Variants in STXBP6 observed in about 807,000 individuals in gnomAD.
STXBP6 encodes the protein syntaxin-binding protein 6.
Under a neutral mutation model 26.9 loss-of-function variants are expected in STXBP6, and 21 were observed. The observed-to-expected ratio is 0.78, with a 90% CI of 0.55 to 1.12. The LOEUF (loss-of-function observed/expected upper bound fraction) is 1.12. Ranked by LOEUF, STXBP6 falls within the 50% of genes most tolerant of loss-of-function variation. The probability of loss-of-function intolerance (pLI) is 0.00; values close to 1 mark genes in which losing one functional copy is unlikely to be tolerated. For missense variants in STXBP6, 232 were observed against 257.9 expected (o/e 0.90, Z 0.69); for synonymous variants, 97 against 92.6 (o/e 1.05, Z -0.27).
intron 1 of STXBP6, among the ~76,000 whole-genome samples, chr14:25,010,088 A>G (rs938878852): frequency 6.6e-6 from 1 of 152,190 alleles, no homozygotes; most frequent in Non-Finnish European, 1.5e-5. Context: ...GGAATCACTG[A>G]TATGAGAGAT....
At chr14:24,873,275 T>C (rs1302953637) in intron 2 of STXBP6, among the ~76,000 whole-genome samples, 1 of 149,682 alleles carries the variant, frequency 6.7e-6, no homozygotes, top group African/African-American at 2.5e-5. Flanking sequence ...TTCTCAACGG[T>C]TTTCAGGTTA....
chr14:24,908,226 C>T (rs980502523), intron 2 of STXBP6, among the ~76,000 whole-genome samples: 6 of 152,088 alleles, frequency 3.9e-5, no homozygotes, highest in Admixed American at 3.3e-4. Flanking sequence ...TTTTCCTTAC[C>T]ATCTTACCCA....
intron 2 of STXBP6, among the ~76,000 whole-genome samples, chr14:24,885,638 T>C (rs1237740239): frequency 6.6e-6 from 1 of 152,246 alleles, no homozygotes; most frequent in Non-Finnish European, 1.5e-5. Flanking sequence ...AATCCACAGA[T>C]GAATGACATC....
At chr14:24,972,914 C>T (rs1341872160) in intron 2 of STXBP6, among the ~76,000 whole-genome samples, 6 of 152,052 alleles carry the variant, frequency 3.9e-5, no homozygotes, top group African/African-American at 1.4e-4. Context: ...CCCAGGAGTT[C>T]GAGACCAGCC....
chr14:24,976,852 C>CTTTTTTTTTTTTTTTTTTTTT lies in STXBP6; in HGVS notation c.-32-2023_-32-2003dup, dbSNP rs71121808. On this transcript the variant is annotated intron_variant, in intron 1 of 5. Transcript: ENST00000323944. ...CAAAGTCCTGAGCTGACTGGGCGCTCTTTTTTTTTTTTTTTTTTTTTTTTT... is the reference window on the plus strand; with the variant it reads ...CAAAGTCCTGAGCTGACTGGGCGCTCTTTTTTTTTTTTTTTTTTTTTTTTTTTTTTTTTTTTTTTTTTTTTT... Among the ~76,000 whole-genome samples the CTTTTTTTTTTTTTTTTTTTTT allele has an allele frequency of 3.1e-4, 14 of 45,276 alleles. 1 individual carries two copies. Among genetic ancestry groups the CTTTTTTTTTTTTTTTTTTTTT allele is most frequent in the African/African-American group, 1.2e-3 (11 of 8,900 alleles). The allele number at this position is 45,276 out of a possible 152,430, so 29.7% of individuals were successfully genotyped here.
At chr14:25,014,355 C>A (rs1033459191) in intron 1 of STXBP6, among the ~76,000 whole-genome samples, 1 of 152,102 alleles carries the variant, frequency 6.6e-6, no homozygotes, top group East Asian at 1.9e-4. Context: ...ATCAGCTGGG[C>A]TCAGGAGACT....
At chr14:25,021,702 C>G (rs1188230327) in intron 1 of STXBP6, among the ~76,000 whole-genome samples, 2 of 152,158 alleles carry the variant, frequency 1.3e-5, no homozygotes, top group Non-Finnish European at 2.9e-5. Context: ...GCCATGGCTC[C>G]CTTCTCCTTA....
At chr14:24,854,531 T>C (rs764172434) in intron 4 of STXBP6, among the ~76,000 whole-genome samples, 20 of 152,086 alleles carry the variant, frequency 1.3e-4, no homozygotes, top group Non-Finnish European at 2.6e-4. Context: ...ATAGCAGGAA[T>C]TGAAGATTAA....
intron 4 of STXBP6, among the ~76,000 whole-genome samples, chr14:24,841,951 A>G (rs1343923296): frequency 6.6e-6 from 1 of 152,138 alleles, no homozygotes; most frequent in Non-Finnish European, 1.5e-5. Context: ...TGGTGTGCAC[A>G]ATATTCTTCA....
intron 1 of STXBP6, among the ~76,000 whole-genome samples, chr14:25,029,436 G>A (rs559533453): frequency 1.3e-5 from 2 of 152,200 alleles, no homozygotes; most frequent in South Asian, 4.1e-4. Flanking sequence ...TTTAATTCAG[G>A]TATGTATTTT....
intron 2 of STXBP6, among the ~76,000 whole-genome samples, chr14:24,972,758 C>A (rs1171706258): frequency 6.6e-6 from 1 of 152,120 alleles, no homozygotes; most frequent in East Asian, 1.9e-4. Flanking sequence ...GTAATCCCAG[C>A]ACTTTTGGAG....
At chr14:24,892,383 C>T (rs1284061551) in intron 2 of STXBP6, among the ~76,000 whole-genome samples, 7 of 151,980 alleles carry the variant, frequency 4.6e-5, no homozygotes, top group Admixed American at 2.0e-4. Flanking sequence ...ATGTATCTAG[C>T]GAGCTATTCT....
chr14:24,999,575 T>C (rs1470997712), intron 1 of STXBP6, among the ~76,000 whole-genome samples: 1 of 152,094 alleles, frequency 6.6e-6, no homozygotes, highest in East Asian at 1.9e-4. Context: ...TTAGCAGATA[T>C]GAATACAATG....
rs1566441892 is a variant in STXBP6, at chr14:24,883,261, T to TC, written c.155-26105_155-26104insG. 7.3e-5 allele frequency among the ~76,000 whole-genome samples: 11 copies of TC among 151,666 alleles called. No individual in the cohort carries two copies. The South Asian group carries it at 8.3e-4, about 11-fold the overall frequency. ...AATACTGCTAAAAGCATGTTTTTTT[T>TC]TAAAAAATACACTCTTTATTTTAGA... is the stretch of plus-strand genomic sequence containing the variant. On this transcript the variant is annotated intron_variant, in intron 2 of 5. Coordinates refer to ENST00000323944, the MANE Select transcript of STXBP6 (RefSeq NM_001394410.1).
At chr14:24,825,759 T>C (rs1482634508) in intron 4 of STXBP6, among the ~76,000 whole-genome samples, 1 of 152,230 alleles carries the variant, frequency 6.6e-6, no homozygotes, top group African/African-American at 2.4e-5. Flanking sequence ...ACTGTTTCAA[T>C]CTTCTCATTG....
rs550073101 is a variant in STXBP6, at chr14:24,931,428, A to G, written c.154+43237T>C. 1.2e-4 allele frequency among the ~76,000 whole-genome samples: 18 copies of G among 152,322 alleles called. No individual in the cohort carries two copies. In the South Asian group the frequency reaches 3.7e-3, roughly 32 times the overall value. On this transcript the variant is annotated intron_variant, in intron 2 of 5. Coordinates refer to ENST00000323944, the MANE Select transcript of STXBP6 (RefSeq NM_001394410.1). ...AGCAATATCTGGATGTGTAAAAAAA[A>G]GCTAAATGTTGAGAGTTGTTACTCA...
intron 2 of STXBP6, among the ~76,000 whole-genome samples, chr14:24,969,297 A>C (rs2073832455): frequency 6.6e-6 from 1 of 152,230 alleles, no homozygotes; most frequent in Non-Finnish European, 1.5e-5. Context: ...GTAGCAGCCA[A>C]GGGAAGATTT....
chr14:24,903,705 C>T (rs1309676273), intron 2 of STXBP6, among the ~76,000 whole-genome samples: 1 of 152,102 alleles, frequency 6.6e-6, no homozygotes, highest in African/African-American at 2.4e-5. Flanking sequence ...GGATCTAACA[C>T]AGATGGATAA....
chr14:24,850,077 T>C (rs1480690545), intron 4 of STXBP6, among the ~76,000 whole-genome samples: 2 of 152,130 alleles, frequency 1.3e-5, no homozygotes, highest in African/African-American at 2.4e-5. Context: ...TATATTAATA[T>C]ATTGGGATTA....
Sources: gnomAD v4.1 joint callset for allele counts (sites outside exome capture counted in the v4.1 genomes callset) on GRCh38, gnomAD v4.1.1 for gene constraint, MANE v1.5 for transcripts, NCBI Gene and HGNC (gene_info 2026-07-23, HGNC 2026-07-21) for gene names.